Variants in MAPKAP1 observed in about 807,000 individuals in gnomAD.
MAPKAP1 encodes the protein target of rapamycin complex 2 subunit MAPKAP1.
A neutral mutation model predicts 65.7 loss-of-function variants in MAPKAP1; 20 were observed. That is an observed-to-expected ratio of 0.30 (90% CI 0.21 to 0.44). The LOEUF (loss-of-function observed/expected upper bound fraction) is 0.44, where lower values mean the gene tolerates loss of function less well. MAPKAP1 is among the 20% of genes least tolerant of loss of function. MAPKAP1 has a pLI of 1.00. For synonymous variants in MAPKAP1, 222 were observed against 244.3 expected (o/e 0.91, Z 0.85); for missense variants, 423 against 648.0 (o/e 0.65, Z 3.77).
rs545175491 is a variant in MAPKAP1 at position 125,693,643 on chromosome 9, A to G, written c.-70+13328T>C. On this transcript the variant is annotated intron_variant, in intron 1 of 11. Transcript: ENST00000265960. ...CACATATATACACATATACACACAC[A>G]TATACACGTATACATACACACACAT... Among the ~76,000 whole-genome samples the G allele has an allele frequency of 2.0e-4, 29 of 147,686 alleles. 3 individuals are homozygous for G. The highest frequency in any genetic ancestry group is 6.8e-4 in the African/African-American group (26 of 38,302).
chr9:125,621,226 C>T (rs951446070), intron 4 of MAPKAP1, among the ~76,000 whole-genome samples: 1 of 151,926 alleles, frequency 6.6e-6, no homozygotes, highest in Non-Finnish European at 1.5e-5. Flanking sequence ...GAGCCGTGAT[C>T]ATGCCACTGC....
chr9:125,578,293 C>T (rs1026828839), intron 5 of MAPKAP1, among the ~76,000 whole-genome samples: 6 of 151,874 alleles, frequency 4.0e-5, no homozygotes, highest in Non-Finnish European at 7.4e-5. Flanking sequence ...ACAAACACTG[C>T]GGAAGGCCGC....
chr9:125,563,100 C>T (rs1293246793), intron 5 of MAPKAP1, among the ~76,000 whole-genome samples: 1 of 152,236 alleles, frequency 6.6e-6, no homozygotes, highest in African/African-American at 2.4e-5. Flanking sequence ...ATAACATGCT[C>T]ATGATCACCC....
At position 125,557,324 on chromosome 9, in the gene MAPKAP1, C is replaced by T. The variant is rs145698705; in HGVS notation, c.848+2309G>A. Among the ~76,000 whole-genome samples, 197 of 152,052 alleles carry T rather than the reference C, an allele frequency of 1.3e-3. 1 individual carries two copies. Among genetic ancestry groups the T allele is most frequent in the African/African-American group, 4.6e-3 (190 of 41,414 alleles). ...AAAGACTGCTATGATCATGTGTTAACATTCATGTAGAAAAAGTTCTAGTCA... is the reference window on the plus strand; with the variant it reads ...AAAGACTGCTATGATCATGTGTTAATATTCATGTAGAAAAAGTTCTAGTCA... On this transcript the variant is annotated intron_variant, in intron 6 of 11. Transcript: ENST00000265960.
chr9:125,577,845 C>T (rs942906297), intron 5 of MAPKAP1, among the ~76,000 whole-genome samples: 46 of 150,774 alleles, frequency 3.1e-4, no homozygotes, highest in African/African-American at 5.8e-4. Flanking sequence ...CCGCCCCGTC[C>T]GGGAGCTGAG....
intron 7 of MAPKAP1, among the ~76,000 whole-genome samples, chr9:125,530,252 G>A (rs755322225): frequency 7.2e-5 from 11 of 152,348 alleles, no homozygotes; most frequent in Admixed American, 2.0e-4. Flanking sequence ...ACCGAAGAAA[G>A]AGGGACTTCT....
chr9:125,670,018 G>GA, intron 2 of MAPKAP1, 111 bp from the exon 3 acceptor site: 1 of 572,556 alleles, frequency 1.7e-6, no homozygotes, highest in Non-Finnish European at 3.0e-6. Context: ...CATATGTAGA[G>GA]AAAAAGTCAT....
At chr9:125,667,575 C>T (rs181993826) in intron 3 of MAPKAP1, among the ~76,000 whole-genome samples, 4 of 152,214 alleles carry the variant, frequency 2.6e-5, no homozygotes, top group Admixed American at 1.3e-4. Context: ...TGCCTCCTGG[C>T]TAATTTTTTG....
chr9:125,477,702 T>C (rs973367996), intron 9 of MAPKAP1, among the ~76,000 whole-genome samples: 3 of 152,202 alleles, frequency 2.0e-5, no homozygotes, highest in Non-Finnish European at 4.4e-5. Flanking sequence ...ATTGATAATA[T>C]ACTGTGGGTT....
intron 7 of MAPKAP1, among the ~76,000 whole-genome samples, 187 bp from the exon 8 acceptor site, chr9:125,506,604 G>C (rs560569782): frequency 6.6e-6 from 1 of 152,224 alleles, no homozygotes; most frequent in East Asian, 1.9e-4. Flanking sequence ...ATTCTTCACT[G>C]TTCTATTATC....
Position 125,624,619 on chromosome 9 carries a change from G to C in MAPKAP1, c.498+33032C>G, listed in dbSNP as rs1463960175. The stretch of plus-strand genomic sequence containing the variant: ...CCGTCCGGGAGGGAGGTGGGGGGGG[G>C]GGTCAGCCCCCCTGCCCGGCCAGCC... On this transcript the variant is annotated intron_variant, in intron 4 of 11. Coordinates refer to ENST00000265960, the MANE Select transcript of MAPKAP1 (RefSeq NM_001006617.3). Among the ~76,000 whole-genome samples, 48 of 71,562 alleles carry C rather than the reference G, an allele frequency of 6.7e-4. 7 individuals carry two copies. The highest frequency in any genetic ancestry group is 1.2e-3 in the Non-Finnish European group (41 of 33,448). The allele number at this position is 71,562 out of a possible 152,430, so 46.9% of individuals were successfully genotyped here.
chr9:125,442,471 G>A (rs1003026311), intron 11 of MAPKAP1, among the ~76,000 whole-genome samples: 3 of 149,714 alleles, frequency 2.0e-5, no homozygotes, highest in African/African-American at 7.4e-5. Flanking sequence ...TTATTTTGAT[G>A]TCAAACATGG....
At chr9:125,529,073 T>C (rs1472824670) in intron 7 of MAPKAP1, among the ~76,000 whole-genome samples, 3 of 148,456 alleles carry the variant, frequency 2.0e-5, no homozygotes, top group Non-Finnish European at 4.5e-5. Flanking sequence ...ACTCGGGAAG[T>C]TGAGGCAGGA....
intron 4 of MAPKAP1, among the ~76,000 whole-genome samples, chr9:125,633,537 C>T (rs148219627): frequency 1.1e-3 from 169 of 152,274 alleles, no homozygotes; most frequent in African/African-American, 3.9e-3. Flanking sequence ...TTTCTGATGA[C>T]GAATCCACCA....
chr9:125,702,466 G>A (rs1240919641), intron 1 of MAPKAP1, among the ~76,000 whole-genome samples: 1 of 151,958 alleles, frequency 6.6e-6, no homozygotes. Context: ...CCCAGGAGGT[G>A]GAGGTTGCAG....
intron 1 of MAPKAP1, among the ~76,000 whole-genome samples, chr9:125,705,990 G>A: frequency 1.3e-5 from 2 of 152,270 alleles, no homozygotes; most frequent in African/African-American, 4.8e-5. Flanking sequence ...TGCAGTCTGG[G>A]ACACACAGTA....
intron 6 of MAPKAP1, among the ~76,000 whole-genome samples, chr9:125,552,371 A>G (rs1002495111): frequency 6.6e-6 from 1 of 152,188 alleles, no homozygotes; most frequent in Non-Finnish European, 1.5e-5. Flanking sequence ...AAGACATCCA[A>G]TTTCACGTTC....
At chr9:125,555,556 G>A (rs1437886865) in intron 6 of MAPKAP1, among the ~76,000 whole-genome samples, 2 of 152,188 alleles carry the variant, frequency 1.3e-5, no homozygotes, top group Admixed American at 6.5e-5. Context: ...AGGCAGGAAC[G>A]GGTGTAAAAA....
At chr9:125,583,402 T>C (rs1047507174) in intron 5 of MAPKAP1, among the ~76,000 whole-genome samples, 1 of 152,242 alleles carries the variant, frequency 6.6e-6, no homozygotes, top group African/African-American at 2.4e-5. Context: ...TATTACCTAT[T>C]TACCTTAAAC....
Sources: allele counts gnomAD v4.1 joint callset (sites outside exome capture counted in the v4.1 genomes callset), GRCh38; gene constraint gnomAD v4.1.1; transcripts MANE v1.5; gene names NCBI Gene and HGNC (gene_info 2026-07-23, HGNC 2026-07-21).